TMED3: variants seen among roughly 807,000 people sequenced by gnomAD.
The protein encoded by TMED3 is transmembrane emp24 domain-containing protein 3.
In TMED3, 9 loss-of-function variants were observed where a neutral mutation model predicts 15.0. The observed-to-expected ratio is 0.60, with a 90% CI of 0.36 to 1.04. The LOEUF is 1.04. TMED3 is among the 50% of genes least tolerant of loss of function. The probability of loss-of-function intolerance (pLI) is 0.01; values close to 1 mark genes in which losing one functional copy is unlikely to be tolerated. For missense variants in TMED3, 267 were observed against 278.9 expected (o/e 0.96, Z 0.30); for synonymous variants, 117 against 121.4 (o/e 0.96, Z 0.24).
At chr15:79,344,484 T>C (rs1290601404) in intron 2 of TMED3, among the ~76,000 whole-genome samples, 1 of 152,152 alleles carries the variant, frequency 6.6e-6, no homozygotes, top group African/African-American at 2.4e-5. Flanking sequence ...ATGACTAGGT[T>C]CCATGACACA....
chr15:79,335,458 T>C (rs2058823951), intron 2 of TMED3, among the ~76,000 whole-genome samples: 1 of 152,144 alleles, frequency 6.6e-6, no homozygotes, highest in Non-Finnish European at 1.5e-5. Flanking sequence ...GGAGAGACAG[T>C]GTGGACCCAG....
Position 79,311,324 on chromosome 15 carries a change from C to G in TMED3, c.75C>G (p.Cys25Trp). The part of the protein sequence containing the change: ...LLLLRRAEQP[C>W]GAELTFELPD... ...TCCTGCGCCGGGCCGAGCAGCCCTG[C>G]GGGGCCGAGCTCACCTTCGAGCTGC... The change falls in exon 1 of 3, where the codon TGC becomes TGG. Residue 25 changes from cysteine to tryptophan, a missense_variant. This residue lies in a region of TMED3 where 59 missense variants were observed against 47.0 expected (regional missense o/e 1.26). Coordinates refer to ENST00000299705, the MANE Select transcript of TMED3 (RefSeq NM_007364.4). 1 of 1,609,730 alleles carries G rather than the reference C, an allele frequency of 6.2e-7. No individual in the cohort carries two copies.
At chr15:79,402,450 C>G (rs1893846217) in intron 2 of TMED3, among the ~76,000 whole-genome samples, 1 of 152,200 alleles carries the variant, frequency 6.6e-6, no homozygotes, top group Non-Finnish European at 1.5e-5. Context: ...TATACCTGCA[C>G]AAAGCTGATT....
intron 2 of TMED3, among the ~76,000 whole-genome samples, chr15:79,335,628 A>C (rs1456148972): frequency 6.6e-6 from 1 of 152,206 alleles, no homozygotes; most frequent in East Asian, 1.9e-4. Context: ...GGGCCATCAC[A>C]AAAAGGGCAG....
chr15:79,409,312 A>G (rs1322414538), intron 2 of TMED3, among the ~76,000 whole-genome samples: 5 of 152,248 alleles, frequency 3.3e-5, no homozygotes, highest in African/African-American at 1.2e-4. Context: ...TTCCAACCAA[A>G]GGATGTCCTC....
chr15:79,400,090 G>T (rs1221492794), intron 2 of TMED3, among the ~76,000 whole-genome samples: 1 of 152,278 alleles, frequency 6.6e-6, no homozygotes, highest in Non-Finnish European at 1.5e-5. Flanking sequence ...TCTCACTGAG[G>T]TCTAGCTAAA....
intron 2 of TMED3, among the ~76,000 whole-genome samples, chr15:79,315,381 G>A (rs1008449907): frequency 1.3e-5 from 2 of 152,172 alleles, no homozygotes; most frequent in Non-Finnish European, 2.9e-5. Context: ...TTTGATCTTT[G>A]GGCTTTTGGC....
intron 2 of TMED3, among the ~76,000 whole-genome samples, chr15:79,375,001 C>T (rs1006163162): frequency 6.6e-6 from 1 of 152,192 alleles, no homozygotes; most frequent in Non-Finnish European, 1.5e-5. Flanking sequence ...ACAAAGCCAT[C>T]CTTAAATTGC....
intron 2 of TMED3, among the ~76,000 whole-genome samples, chr15:79,320,782 CT>C (rs1311082229): frequency 6.6e-6 from 1 of 152,202 alleles, no homozygotes; most frequent in Non-Finnish European, 1.5e-5. Flanking sequence ...GCAATACTCA[CT>C]TATTACCGCA....
intron 2 of TMED3, among the ~76,000 whole-genome samples, chr15:79,369,659 C>T (rs996624977): frequency 3.3e-5 from 5 of 152,170 alleles, no homozygotes; most frequent in African/African-American, 1.2e-4. Context: ...GAACAGTGCT[C>T]ATGTTTCGTC....
At chr15:79,382,899 A>C in intron 2 of TMED3, 5 of 1,429,966 alleles carry the variant, frequency 3.5e-6, no homozygotes, top group South Asian at 1.2e-5. Flanking sequence ...TTACCAACAC[A>C]ATATAGTCTT....
At chr15:79,357,610 G>T (rs1031437969) in intron 2 of TMED3, among the ~76,000 whole-genome samples, 2 of 151,184 alleles carry the variant, frequency 1.3e-5, no homozygotes, top group African/African-American at 4.9e-5. Context: ...GTGAATGTAG[G>T]CTCATCTCCT....
Position 79,411,778 on chromosome 15 carries a change from G to A in TMED3, c.*274G>A, listed in dbSNP as rs1362050975. ...GAGAAGTGGTAGGGGCAGCACTTCA[G>A]CCTGGGTGGAGCCCAGAGGGTTTGG... On this transcript the variant is annotated 3_prime_UTR_variant, in exon 3 of 3. Transcript: ENST00000424155. 3 of 388,364 alleles carry A rather than the reference G, an allele frequency of 7.7e-6. No individual in the cohort carries two copies. The East Asian group carries it at 1.3e-4, about 17-fold the overall frequency. 24.1% of individuals were successfully genotyped at this position (388,364 alleles called of 1,614,324 possible).
chr15:79,400,676 C>T (rs1262984658), intron 2 of TMED3, among the ~76,000 whole-genome samples: 1 of 152,160 alleles, frequency 6.6e-6, no homozygotes, highest in Non-Finnish European at 1.5e-5. Context: ...GTGTATATAA[C>T]AATTATCTCA....
chr15:79,327,809 G>T (rs370459335), downstream of TMED3, among the ~76,000 whole-genome samples: 11 of 152,350 alleles, frequency 7.2e-5, no homozygotes, highest in East Asian at 1.2e-3. Flanking sequence ...TGGAGTTTCA[G>T]TGTTATGTGC....
At chr15:79,328,973 TA>T (rs985461984) in intron 2 of TMED3, among the ~76,000 whole-genome samples, 9 of 152,186 alleles carry the variant, frequency 5.9e-5, no homozygotes, top group African/African-American at 1.7e-4. Flanking sequence ...TATGGGACAA[TA>T]GCAGGTAGAT....
chr15:79,339,579 G>GCAC (rs2058842106), intron 2 of TMED3, among the ~76,000 whole-genome samples: 1 of 152,192 alleles, frequency 6.6e-6, no homozygotes, highest in African/African-American at 2.4e-5. Context: ...ATTTGGGGTG[G>GCAC]TGTTGGCAGT....
chr15:79,401,858 G>A (rs990415903), intron 2 of TMED3, among the ~76,000 whole-genome samples: 2 of 152,136 alleles, frequency 1.3e-5, no homozygotes, highest in African/African-American at 4.8e-5. Context: ...TGTGGTTAGC[G>A]ATTGAAATCC....
chr15:79,386,250 C>G (rs1328658961), intron 2 of TMED3, among the ~76,000 whole-genome samples: 1 of 152,128 alleles, frequency 6.6e-6, no homozygotes, highest in Non-Finnish European at 1.5e-5. Flanking sequence ...GAACTGTACA[C>G]TTAAAAATGG....
Sources: allele counts gnomAD v4.1 joint callset (sites outside exome capture counted in the v4.1 genomes callset), GRCh38; gene constraint gnomAD v4.1.1; regional missense constraint gnomAD v4.1.1; transcripts MANE v1.5; gene names NCBI Gene and HGNC (gene_info 2026-07-23, HGNC 2026-07-21).